The following RFX3 variants were observed in gnomAD, a reference collection of about 807,000 sequenced individuals.
RFX3 encodes regulatory factor X3.
In RFX3, 14 loss-of-function variants were observed where a neutral mutation model predicts 98.6. The observed-to-expected ratio is 0.14, with a 90% CI of 0.09 to 0.22. RFX3 has a LOEUF of 0.22. Ranked by LOEUF, RFX3 falls within the 10% of genes least tolerant of loss-of-function variation. RFX3 has a pLI of 1.00. For synonymous variants in RFX3, 383 were observed against 328.4 expected (o/e 1.17, Z -1.80); for missense variants, 639 against 926.9 (o/e 0.69, Z 4.03).
Position 3,346,653 on chromosome 9 carries a change from ACAT to A in RFX3, c.215+11_215+13del. 6.6e-7 allele frequency: 1 copy of A among 1,526,532 alleles called. No individual in the cohort carries two copies. Among genetic ancestry groups the A allele is most frequent in the Non-Finnish European group, 9.1e-7 (1 of 1,100,090 alleles). The allele number at this position is 1,526,532 out of a possible 1,614,324, so 94.6% of individuals were successfully genotyped here. On this transcript the variant is annotated intron_variant, in intron 3 of 16. Coordinates refer to ENST00000617270, the MANE Select transcript of RFX3 (RefSeq NM_001282116.2). ...GAGTGGGGGAATTAAAAAGACTTCC[ACAT>A]ATAAACTTACATTGCTCCATTGGTA...
At chr9:3,445,707 T>C (rs561218298) in intron 1 of RFX3, among the ~76,000 whole-genome samples, 2 of 152,294 alleles carry the variant, frequency 1.3e-5, no homozygotes, top group African/African-American at 4.8e-5. Flanking sequence ...AGAGGCAAAG[T>C]GTAAACTTGT....
At chr9:3,342,172 T>C (rs1294551393) in intron 3 of RFX3, among the ~76,000 whole-genome samples, 1 of 152,228 alleles carries the variant, frequency 6.6e-6, no homozygotes, top group Non-Finnish European at 1.5e-5. Flanking sequence ...TATATTAGTG[T>C]ACCATTTCCC....
At chr9:3,225,969 T>C (rs1817715847) in intron 16 of RFX3, among the ~76,000 whole-genome samples, 1 of 152,220 alleles carries the variant, frequency 6.6e-6, no homozygotes, top group African/African-American at 2.4e-5. Context: ...ATGCATTATA[T>C]AGTCACTGTT....
intron 9 of RFX3, among the ~76,000 whole-genome samples, chr9:3,274,017 T>A (rs557695801): frequency 1.3e-5 from 2 of 152,246 alleles, no homozygotes; most frequent in South Asian, 4.2e-4. Flanking sequence ...TCTATATACA[T>A]AAGGAAAATC....
intron 15 of RFX3, among the ~76,000 whole-genome samples, chr9:3,238,824 C>G (rs183123684): frequency 8.7e-4 from 133 of 152,146 alleles, no homozygotes; most frequent in African/African-American, 3.1e-3. Context: ...CCCGTCTCTA[C>G]TAAAAATACA....
chr9:3,359,356 T>C (rs184816992), intron 2 of RFX3, among the ~76,000 whole-genome samples: 28 of 152,228 alleles, frequency 1.8e-4, no homozygotes, highest in Admixed American at 4.6e-4. Flanking sequence ...ATTTGTTTTG[T>C]TGTTGTTATT....
Position 3,275,514 on chromosome 9 carries a change from T to C in RFX3, c.1072A>G (p.Arg358Gly). 1 of 1,597,806 alleles carries C rather than the reference T, an allele frequency of 6.3e-7. No homozygotes were observed. The highest frequency in any genetic ancestry group is 8.6e-7 in the Non-Finnish European group (1 of 1,165,386). Residue 358 changes from arginine to glycine, a missense_variant, in exon 9 of 17, where the codon AGA becomes GGA. By Grantham distance (125) the Arg-to-Gly change is moderately radical. Around this residue, in one of 9 missense-constraint regions of RFX3, gnomAD observed 86 missense variants for 113.2 expected, o/e 0.76. Transcript: ENST00000617270. Reference sequence around the variant, plus strand: ...AAAAGACTTACCTCACAGTGCTCTCTATAAAGACTCTGCAGTGACTTGATA... The same window carrying C: ...AAAAGACTTACCTCACAGTGCTCTCCATAAAGACTCTGCAGTGACTTGATA... Reference protein sequence around the residue: ...EDIKSLQSLYREHCEAILDVV... With the variant: ...EDIKSLQSLYGEHCEAILDVV...
At chr9:3,267,808 GA>G (rs540500927) in intron 11 of RFX3, among the ~76,000 whole-genome samples, 39 of 151,548 alleles carry the variant, frequency 2.6e-4, no homozygotes, top group Admixed American at 2.5e-3. Flanking sequence ...GAAAAAGAGT[GA>G]AAAAAAATTA....
At chr9:3,343,782 T>C (rs913704690) in intron 3 of RFX3, among the ~76,000 whole-genome samples, 2 of 152,152 alleles carry the variant, frequency 1.3e-5, no homozygotes, top group African/African-American at 2.4e-5. Context: ...AAGTGCACAT[T>C]TGTGACATTA....
chr9:3,338,713 T>C (rs7850653), intron 3 of RFX3, among the ~76,000 whole-genome samples: 26,403 of 152,020 alleles, frequency 0.17, 2,325 homozygotes, highest in Middle Eastern at 0.23. Context: ...GCCTGGGGAA[T>C]ACACTTTGGG....
At chr9:3,493,222 A>G (rs1850848621) in intron 1 of RFX3, among the ~76,000 whole-genome samples, 1 of 152,098 alleles carries the variant, frequency 6.6e-6, no homozygotes, top group Non-Finnish European at 1.5e-5. Flanking sequence ...GATTTCAACC[A>G]AAGTCTTTCT....
At chr9:3,365,591 T>C (rs1836968087) in intron 2 of RFX3, among the ~76,000 whole-genome samples, 1 of 152,170 alleles carries the variant, frequency 6.6e-6, no homozygotes, top group African/African-American at 2.4e-5. Context: ...GTAAAGTTAA[T>C]TTTGAAGCAA....
intron 9 of RFX3, 55 bp from the exon 10 acceptor site, chr9:3,271,173 T>G: frequency 6.8e-7 from 1 of 1,463,776 alleles, no homozygotes; most frequent in African/African-American, 1.4e-5. Context: ...CGGGACTGTG[T>G]GAGGACAGTC....
intron 1 of RFX3, among the ~76,000 whole-genome samples, chr9:3,436,991 G>A (rs1845187161): frequency 6.6e-6 from 1 of 151,936 alleles, no homozygotes; most frequent in African/African-American, 2.4e-5. Context: ...TTTTTGTTAG[G>A]AAGTTGAAAT....
At chr9:3,469,316 T>G (rs1848576505) in intron 1 of RFX3, 3 of 305,292 alleles carry the variant, frequency 9.8e-6, no homozygotes, top group Non-Finnish European at 2.0e-5. Flanking sequence ...CAATCTTCTA[T>G]TTTCTAGTCT....
intron 15 of RFX3, among the ~76,000 whole-genome samples, chr9:3,239,257 G>C (rs530757207): frequency 6.6e-6 from 1 of 152,314 alleles, no homozygotes; most frequent in South Asian, 2.1e-4. Flanking sequence ...TATTTGCAAG[G>C]ATTAACAACA....
intron 3 of RFX3, among the ~76,000 whole-genome samples, chr9:3,335,082 G>A (rs1209183923): frequency 2.0e-5 from 3 of 151,882 alleles, no homozygotes; most frequent in African/African-American, 7.3e-5. Context: ...TCACACCACT[G>A]CACTCCAGCC....
At chr9:3,255,917 G>A (rs1298021169) in intron 14 of RFX3, among the ~76,000 whole-genome samples, 2 of 151,794 alleles carry the variant, frequency 1.3e-5, no homozygotes, top group Admixed American at 1.3e-4. Context: ...GAATCACCAG[G>A]AGAGCTTTGT....
chr9:3,492,537 G>A (rs891594642), intron 1 of RFX3, among the ~76,000 whole-genome samples: 1 of 152,164 alleles, frequency 6.6e-6, no homozygotes, highest in African/African-American at 2.4e-5. Flanking sequence ...CAAAGTTCTT[G>A]ACTATACTCC....
Sources: allele counts gnomAD v4.1 joint callset (sites outside exome capture counted in the v4.1 genomes callset), GRCh38; gene constraint gnomAD v4.1.1; regional missense constraint gnomAD v4.1.1; transcripts MANE v1.5; gene names NCBI Gene and HGNC (gene_info 2026-07-23, HGNC 2026-07-21).